The following ALOX5 variants were observed in gnomAD, a reference collection of about 807,000 sequenced individuals.
The protein encoded by ALOX5 is arachidonate 5-lipoxygenase, also known as polyunsaturated fatty acid 5-lipoxygenase.
A neutral mutation model predicts 87.9 loss-of-function variants in ALOX5; 64 were observed. The ratio of observed to expected loss-of-function variants is 0.73; its 90% confidence interval spans 0.60 to 0.90. The LOEUF is 0.90. Ranked by LOEUF, ALOX5 falls within the 40% of genes least tolerant of loss-of-function variation. The pLI is 0.00. For missense variants in ALOX5, 822 were observed against 907.5 expected (o/e 0.91, Z 1.21); for synonymous variants, 388 against 355.1 (o/e 1.09, Z -1.04).
At chr10:45,396,412 G>C (rs138359103) in intron 3 of ALOX5, among the ~76,000 whole-genome samples, 1 of 152,046 alleles carries the variant, frequency 6.6e-6, no homozygotes, top group Non-Finnish European at 1.5e-5. Context: ...TAAAATGAGG[G>C]AAAATCAATA....
At position 45,440,979 on chromosome 10, in the gene ALOX5, G is replaced by T. The variant is rs1008985314; in HGVS notation, c.1185+346G>T. Among the ~76,000 whole-genome samples, 47 of 152,214 alleles carry T rather than the reference G, an allele frequency of 3.1e-4. 1 individual carries two copies. The highest frequency in any genetic ancestry group is 1.0e-3 in the African/African-American group (42 of 41,444). ...TTCTCGAATCCTACAAGCATTGGCT[G>T]CTGGGGTGACTGCATGCTAAAAGTA... On this transcript the variant is annotated intron_variant, in intron 8 of 13. Coordinates refer to ENST00000374391, the MANE Select transcript of ALOX5 (RefSeq NM_000698.5).
rs1232170326 is a variant in ALOX5, at chr10:45,425,933, A to C, written c.834+801A>C. Among the ~76,000 whole-genome samples the C allele has an allele frequency of 6.6e-6, 1 of 152,170 alleles. No individual in the cohort carries two copies. The highest frequency in any genetic ancestry group is 2.4e-5 in the African/African-American group (1 of 41,442). On this transcript the variant is annotated intron_variant, in intron 6 of 13. Coordinates refer to ENST00000374391, the MANE Select transcript of ALOX5 (RefSeq NM_000698.5). The surrounding 1 kb of genome is among the most constrained non-coding windows in gnomAD (Gnocchi z 4.4). ...CCTTTAGAGATAAACCTACAGCCCC[A>C]GTACCTGGCCCACCTGAATCTAGAG...
At position 45,425,235 on chromosome 10, in the gene ALOX5, G is replaced by A; in HGVS notation, c.834+103G>A. On this transcript the variant is annotated intron_variant, in intron 6 of 13. Coordinates refer to ENST00000374391, the MANE Select transcript of ALOX5 (RefSeq NM_000698.5). The surrounding 1 kb of genome is among the most constrained non-coding windows in gnomAD (Gnocchi z 4.4). ...ATAGGCCACCAAGACGCTAACTGCA[G>A]GCCCATCTGGCCTACAGCAGCCGCT... 4 of 1,369,232 alleles carry A rather than the reference G, an allele frequency of 2.9e-6. No homozygotes were observed. Among genetic ancestry groups the A allele is most frequent in the Non-Finnish European group, 3.9e-6 (4 of 1,022,902 alleles). 84.8% of individuals were successfully genotyped at this position (1,369,232 alleles called of 1,614,324 possible). A position where few individuals can be genotyped will look rare whatever the true frequency, so the allele number is the denominator to read the frequency against.
At chr10:45,433,736 G>C (rs1441040196) in intron 7 of ALOX5, among the ~76,000 whole-genome samples, 1 of 152,232 alleles carries the variant, frequency 6.6e-6, no homozygotes, top group Non-Finnish European at 1.5e-5. Context: ...TTAAGGAAGA[G>C]AAGTTTCATT....
At chr10:45,424,928 G>C in intron 5 of ALOX5, 32 bp from the exon 6 acceptor site, 1 of 1,612,638 alleles carries the variant, frequency 6.2e-7, no homozygotes, top group Non-Finnish European at 8.5e-7. Context: ...TCTACTCAGA[G>C]CTCAGGGTGG....
intron 13 of ALOX5, among the ~76,000 whole-genome samples, chr10:45,445,128 T>C (rs1842395672): frequency 6.6e-6 from 1 of 152,260 alleles, no homozygotes; most frequent in Admixed American, 6.5e-5. Flanking sequence ...GAGAGGCCAG[T>C]GCTGGCCCCA....
chr10:45,414,483 C>G (rs1841193737), intron 4 of ALOX5, among the ~76,000 whole-genome samples: 1 of 152,152 alleles, frequency 6.6e-6, no homozygotes, highest in Non-Finnish European at 1.5e-5. Context: ...ACCATAAAAA[C>G]CCTAGAAGAA....
rs1588980151 is a variant in ALOX5 at position 45,382,469 on chromosome 10, G to A, written c.151-14G>A. On this transcript the variant is annotated splice_polypyrimidine_tract_variant and intron_variant, in intron 1 of 13. Coordinates refer to ENST00000374391, the MANE Select transcript of ALOX5 (RefSeq NM_000698.5). ...GAGACCACGCATGGCCTGATTGCCT[G>A]TTCTCCTTCCCAGGTGGATTCATAC... The A allele has an allele frequency of 1.2e-6, 2 of 1,614,028 alleles. No homozygotes were observed. The highest frequency in any genetic ancestry group is 1.7e-5 in the Admixed American group (1 of 59,998).
At chr10:45,405,644 C>G (rs897152916) in intron 3 of ALOX5, among the ~76,000 whole-genome samples, 5 of 152,014 alleles carry the variant, frequency 3.3e-5, no homozygotes, top group African/African-American at 1.2e-4. Flanking sequence ...TTAAGAAAAC[C>G]CTTTCCATCC....
At chr10:45,443,999 G>A in intron 12 of ALOX5, 117 bp from the exon 13 acceptor site, 1 of 1,439,604 alleles carries the variant, frequency 6.9e-7, no homozygotes, top group South Asian at 1.4e-5. Flanking sequence ...GGGGAAAGAG[G>A]ATGGACGGAC....
At chr10:45,374,545 C>G (rs1419614161) in intron 1 of ALOX5, 116 bp downstream of exon 1, 1 of 1,044,360 alleles carries the variant, frequency 9.6e-7, no homozygotes, top group Non-Finnish European at 1.3e-6. Context: ...CCGGACAGGA[C>G]TGGGGGTGTC....
At chr10:45,374,932 G>C (rs890582107) in intron 1 of ALOX5, among the ~76,000 whole-genome samples, 9 of 152,150 alleles carry the variant, frequency 5.9e-5, no homozygotes, top group Non-Finnish European at 5.9e-5. Context: ...GCACGTCAGC[G>C]GGTCCAGAGG....
At chr10:45,374,545 C>A (rs1419614161) in intron 1 of ALOX5, 116 bp downstream of exon 1, 8 of 1,044,238 alleles carry the variant, frequency 7.7e-6, no homozygotes, top group Non-Finnish European at 1.0e-5. Context: ...CCGGACAGGA[C>A]TGGGGGTGTC....
chr10:45,382,612 G>T lies in ALOX5; in HGVS notation c.280G>T (p.Asp94Tyr). 3 of 1,614,136 alleles carry T rather than the reference G, an allele frequency of 1.9e-6. No homozygotes were observed. Among genetic ancestry groups the T allele is most frequent in the Non-Finnish European group, 2.5e-6 (3 of 1,180,036 alleles). ...KYITLKTPHG[D>Y]YIEFPCYRWI... ...CATCACGCTGAAGACGCCCCACGGG[G>T]ACTACATCGAGTTCCCCTGCTACCG... The change falls in exon 2 of 14, where the codon GAC becomes TAC. Residue 94 changes from aspartate to tyrosine, a missense_variant. Asp to Tyr is a radical substitution (Grantham distance 160). Coordinates refer to ENST00000374391, the MANE Select transcript of ALOX5 (RefSeq NM_000698.5).
chr10:45,434,017 C>A (rs1465598525), intron 7 of ALOX5, among the ~76,000 whole-genome samples: 1 of 152,208 alleles, frequency 6.6e-6, no homozygotes, highest in Non-Finnish European at 1.5e-5. Flanking sequence ...TTGTTTTAGG[C>A]TGCTGTTACC....
At chr10:45,398,793 T>TA (rs902292849) in intron 3 of ALOX5, among the ~76,000 whole-genome samples, 2 of 152,070 alleles carry the variant, frequency 1.3e-5, no homozygotes, top group Non-Finnish European at 2.9e-5. Flanking sequence ...ATGGCTAGAA[T>TA]AAAAAAATCC....
chr10:45,396,331 C>T (rs1840503824), intron 3 of ALOX5, among the ~76,000 whole-genome samples: 1 of 136,028 alleles, frequency 7.4e-6, no homozygotes, highest in African/African-American at 2.9e-5. Context: ...AGGATTCAAA[C>T]CATTAAAATG....
chr10:45,383,666 G>A (rs1839920092), intron 2 of ALOX5, among the ~76,000 whole-genome samples: 1 of 152,156 alleles, frequency 6.6e-6, no homozygotes, highest in South Asian at 2.1e-4. Flanking sequence ...AGAAAACTGA[G>A]ACAAAGGAGA....
Position 45,444,120 on chromosome 10 carries a change from A to G in ALOX5, c.1679A>G (p.Asp560Gly). The change falls in exon 13 of 14, where the codon GAC becomes GGC. Residue 560 changes from aspartate (D) to glycine (G), a missense_variant. Physicochemically the swap from Asp to Gly is moderately conservative, Grantham distance 94 (BLOSUM62 -1). Transcript: ENST00000374391. ...TGCTGGCGGTCGTCTCCGCAGTACG[A>G]CTGGTGCTCCTGGATCCCCAATGCG... Reference protein sequence around the residue: ...QHAAVNFGQYDWCSWIPNAPP... With the variant: ...QHAAVNFGQYGWCSWIPNAPP... 6.5e-7 allele frequency: 1 copy of G among 1,542,670 alleles called. No homozygotes were observed. The highest frequency in any genetic ancestry group is 1.4e-5 in the African/African-American group (1 of 72,988).
Sources: allele counts gnomAD v4.1 joint callset (sites outside exome capture counted in the v4.1 genomes callset), GRCh38; gene constraint gnomAD v4.1.1; non-coding constraint Gnocchi (gnomAD v3.1); transcripts MANE v1.5; gene names NCBI Gene and HGNC (gene_info 2026-07-23, HGNC 2026-07-21).